The following FARS2 variants were observed in gnomAD, a reference collection of about 807,000 sequenced individuals.
FARS2 encodes phenylalanine--tRNA ligase, mitochondrial.
Under a neutral mutation model 46.4 loss-of-function variants are expected in FARS2, and 40 were observed. That is an observed-to-expected ratio of 0.86 (90% confidence interval 0.67 to 1.12). The LOEUF (loss-of-function observed/expected upper bound fraction) is 1.12. Ranked by LOEUF, FARS2 falls within the 50% of genes most tolerant of loss-of-function variation. The pLI is 0.00. For synonymous variants in FARS2, 234 were observed against 214.9 expected, an observed-to-expected ratio of 1.09 and a Z score of -0.78; for missense variants, 513 against 567.9, an observed-to-expected ratio of 0.90 and a Z score of 0.98.
intron 5 of FARS2, among the ~76,000 whole-genome samples, chr6:5,572,946 T>C (rs1772742431): frequency 6.6e-6 from 1 of 152,200 alleles, no homozygotes; most frequent in Non-Finnish European, 1.5e-5. Context: ...TTTAATGCTG[T>C]CTTGTTTCAA....
intron 6 of FARS2, among the ~76,000 whole-genome samples, chr6:5,754,327 A>G (rs1762101102): frequency 6.6e-6 from 1 of 152,154 alleles, no homozygotes; most frequent in Admixed American, 6.5e-5. Flanking sequence ...ATCTCTGGGA[A>G]GCCTGAGACT....
chr6:5,652,697 G>A (rs1029817507), intron 6 of FARS2, among the ~76,000 whole-genome samples: 2 of 152,226 alleles, frequency 1.3e-5, no homozygotes, highest in East Asian at 1.9e-4. Flanking sequence ...ACCGTCCGTG[G>A]CCTTGTGGGG....
chr6:5,597,999 C>T (rs1774297949), intron 5 of FARS2, among the ~76,000 whole-genome samples: 1 of 152,110 alleles, frequency 6.6e-6, no homozygotes, highest in Non-Finnish European at 1.5e-5. Flanking sequence ...ATCAATCTCA[C>T]CAGTCCCTTG....
intron 6 of FARS2, among the ~76,000 whole-genome samples, chr6:5,648,275 C>T (rs1777174274): frequency 6.6e-6 from 1 of 152,214 alleles, no homozygotes; most frequent in African/African-American, 2.4e-5. Flanking sequence ...AACATCAGCA[C>T]CTTTTCAAAC....
intron 1 of FARS2, among the ~76,000 whole-genome samples, chr6:5,358,402 C>G (rs58487476): frequency 0.037 from 5,604 of 151,810 alleles, 311 homozygotes; most frequent in African/African-American, 0.12. Flanking sequence ...ATATGTAGAG[C>G]TATAGTTTAG....
intron 3 of FARS2, among the ~76,000 whole-genome samples, chr6:5,430,212 T>G (rs926956671): frequency 2.0e-5 from 3 of 152,038 alleles, no homozygotes; most frequent in African/African-American, 7.2e-5. Context: ...GAACACAGGA[T>G]TTGTCAAAAT....
At chr6:5,411,516 T>A (rs1011691038) in intron 3 of FARS2, among the ~76,000 whole-genome samples, 1 of 152,224 alleles carries the variant, frequency 6.6e-6, no homozygotes, top group Non-Finnish European at 1.5e-5. Flanking sequence ...GAACTGCCTC[T>A]ACAGGCCTCA....
intron 6 of FARS2, among the ~76,000 whole-genome samples, chr6:5,751,155 C>T (rs553922911): frequency 2.0e-5 from 3 of 152,096 alleles, no homozygotes; most frequent in Admixed American, 6.5e-5. Flanking sequence ...GACTCTCCCT[C>T]GAGTGATTTT....
intron 5 of FARS2, among the ~76,000 whole-genome samples, chr6:5,612,914 C>T (rs1025201009): frequency 2.7e-4 from 41 of 152,038 alleles, no homozygotes; most frequent in African/African-American, 8.4e-4. Flanking sequence ...CTAAGTTGAA[C>T]GTTAATGGCA....
At chr6:5,492,214 A>G (rs1229130885) in intron 4 of FARS2, among the ~76,000 whole-genome samples, 2 of 152,232 alleles carry the variant, frequency 1.3e-5, no homozygotes, top group Non-Finnish European at 2.9e-5. Context: ...AACACTTTGA[A>G]TGGTGAAAAC....
intron 4 of FARS2, among the ~76,000 whole-genome samples, chr6:5,525,876 C>G (rs1240249508): frequency 6.6e-6 from 1 of 151,972 alleles, no homozygotes. Flanking sequence ...AATAGATGCT[C>G]TAACAGGAAG....
At chr6:5,452,399 C>T (rs416548) in intron 4 of FARS2, 109,963 of 152,434 alleles carry the variant, frequency 0.72, 40,013 homozygotes, top group East Asian at 0.91. Context: ...TTGCCTGCCT[C>T]CTCGCTTTCT....
At chr6:5,491,902 T>C (rs1304163360) in intron 4 of FARS2, among the ~76,000 whole-genome samples, 1 of 145,522 alleles carries the variant, frequency 6.9e-6, no homozygotes, top group Non-Finnish European at 1.5e-5. Flanking sequence ...CACGGTGCTA[T>C]TGTAAAGATT....
At chr6:5,666,320 A>G (rs1199847170) in intron 6 of FARS2, among the ~76,000 whole-genome samples, 3 of 152,240 alleles carry the variant, frequency 2.0e-5, no homozygotes, top group African/African-American at 7.2e-5. Flanking sequence ...AAATATGCTC[A>G]GTAAACACTT....
intron 2 of FARS2, among the ~76,000 whole-genome samples, chr6:5,382,438 A>G (rs1006506567): frequency 6.6e-6 from 1 of 152,230 alleles, no homozygotes; most frequent in South Asian, 2.1e-4. Flanking sequence ...CTTTGGTAAT[A>G]GTAGTACAAA....
chr6:5,361,541 C>T (rs968466069), intron 1 of FARS2, among the ~76,000 whole-genome samples: 3 of 152,216 alleles, frequency 2.0e-5, no homozygotes, highest in Non-Finnish European at 4.4e-5. Context: ...CAGGAAACTG[C>T]CTGCTTATAG....
intron 1 of FARS2, among the ~76,000 whole-genome samples, chr6:5,262,287 C>G (rs1765215031): frequency 2.6e-5 from 4 of 151,804 alleles, no homozygotes; most frequent in African/African-American, 9.7e-5. Context: ...GTTTCCTTTT[C>G]TTTTTTTTGA....
At chr6:5,651,963 C>G (rs1357282610) in intron 6 of FARS2, among the ~76,000 whole-genome samples, 1 of 152,082 alleles carries the variant, frequency 6.6e-6, no homozygotes, top group African/African-American at 2.4e-5. Flanking sequence ...GCTGGGAAAG[C>G]TGGGGGAAAC....
At chr6:5,477,913 G>T (rs1181653290) in intron 4 of FARS2, among the ~76,000 whole-genome samples, 1 of 152,118 alleles carries the variant, frequency 6.6e-6, no homozygotes, top group Non-Finnish European at 1.5e-5. Flanking sequence ...CCAGCTACTT[G>T]TGAGGCTGAG....
Sources: allele counts gnomAD v4.1 joint callset (sites outside exome capture counted in the v4.1 genomes callset), GRCh38; gene constraint gnomAD v4.1.1; transcripts MANE v1.5; gene names NCBI Gene and HGNC (gene_info 2026-07-23, HGNC 2026-07-21).